NUP58: variants seen among roughly 807,000 people sequenced by gnomAD.
NUP58 encodes the protein nucleoporin p58/p45.
Under a neutral mutation model 70.1 loss-of-function variants are expected in NUP58, and 17 were observed. The ratio of observed to expected loss-of-function variants is 0.24; its 90% CI spans 0.17 to 0.36. NUP58 has a LOEUF of 0.36. Ranked by LOEUF, NUP58 falls within the 10% of genes least tolerant of loss-of-function variation. The probability of loss-of-function intolerance (pLI) is 1.00; values close to 1 mark genes in which losing one functional copy is unlikely to be tolerated. For synonymous variants in NUP58, 275 were observed against 257.6 expected (o/e 1.07, Z -0.65); for missense variants, 644 against 701.5 (o/e 0.92, Z 0.93).
intron 14 of NUP58, 135 bp downstream of exon 14, chr13:25,337,169 A>T (rs182046764): frequency 4.1e-6 from 2 of 483,914 alleles, no homozygotes; most frequent in Middle Eastern, 4.5e-4. Flanking sequence ...ATGATTCTCA[A>T]ACATAATTAT....
intron 8 of NUP58, 100 bp downstream of exon 8, chr13:25,320,695 A>T: frequency 2.3e-6 from 2 of 857,618 alleles, no homozygotes; most frequent in Non-Finnish European, 3.6e-6. Flanking sequence ...CTAGAGGAGC[A>T]TCTCTTAACT....
chr13:25,332,673 G>A (rs1593197980), intron 13 of NUP58: 7 of 985,426 alleles, frequency 7.1e-6, no homozygotes, highest in Non-Finnish European at 8.4e-6. Context: ...ATAAGTAAAG[G>A]GTTGATGATA....
At chr13:25,334,014 C>A (rs952837530) in intron 13 of NUP58, 4 of 985,038 alleles carry the variant, frequency 4.1e-6, no homozygotes, top group Admixed American at 6.2e-5. Context: ...GAGGAATAGA[C>A]TTAAACGACT....
chr13:25,312,726 CT>C (rs1257097960), intron 3 of NUP58, among the ~76,000 whole-genome samples, 156 bp from the exon 4 acceptor site: 1 of 152,194 alleles, frequency 6.6e-6, no homozygotes, highest in Non-Finnish European at 1.5e-5. Flanking sequence ...TTAGTCTCAA[CT>C]TTTACATATT....
chr13:25,322,172 A>T (rs574637485), intron 9 of NUP58, among the ~76,000 whole-genome samples: 1 of 152,232 alleles, frequency 6.6e-6, no homozygotes, highest in African/African-American at 2.4e-5. Flanking sequence ...AATGAACTTC[A>T]TGTGAGATAC....
intron 13 of NUP58, chr13:25,332,066 A>G (rs750725902): frequency 7.0e-6 from 7 of 1,002,442 alleles, no homozygotes; most frequent in Admixed American, 5.2e-5. Flanking sequence ...GCTTGTTTGT[A>G]TGTATGTTGA....
At chr13:25,346,098 T>C (rs74357856), downstream of NUP58, among the ~76,000 whole-genome samples, 593 of 152,278 alleles carry the variant, frequency 3.9e-3, 6 homozygotes, top group African/African-American at 0.014. Flanking sequence ...CCTTAATAAT[T>C]TGTGTGATCC....
At chr13:25,325,092 CA>C (rs1162925981) in intron 10 of NUP58, 24 bp downstream of exon 10, 1 of 1,505,854 alleles carries the variant, frequency 6.6e-7, no homozygotes, top group Non-Finnish European at 9.2e-7. Context: ...TTTTTAAAAA[CA>C]AATGTTTCTC....
At position 25,309,420 on chromosome 13, in the gene NUP58, CT is replaced by C; in HGVS notation, c.286+140del. On this transcript the variant is annotated intron_variant, in intron 3 of 15. Coordinates refer to ENST00000381736, the MANE Select transcript of NUP58 (RefSeq NM_014089.4). ...AAAAAGTGTGTATCACAGATGGTGA[CT>C]TATCGGAGAACCTTTCAGTATTTGA... The C allele has an allele frequency of 6.4e-6, 4 of 620,920 alleles. 1 individual carries two copies. The highest frequency in any genetic ancestry group is 8.7e-4 in the Middle Eastern group (2 of 2,292). The allele number at this position is 620,920 out of a possible 1,614,324, so 38.5% of individuals were successfully genotyped here.
At chr13:25,315,286 A>G in intron 5 of NUP58, 71 bp from the exon 6 acceptor site, 1 of 1,040,534 alleles carries the variant, frequency 9.6e-7, no homozygotes, top group Non-Finnish European at 1.4e-6. Flanking sequence ...AAAGCATTAG[A>G]GTCCTTTGAT....
intron 14 of NUP58, among the ~76,000 whole-genome samples, chr13:25,337,514 A>G (rs2031827224): frequency 6.6e-6 from 1 of 152,162 alleles, no homozygotes; most frequent in Admixed American, 6.6e-5. Context: ...ATTTGCCTAT[A>G]TACATGCTTG....
Position 25,315,578 on chromosome 13 carries a change from A to T in NUP58, c.685+111A>T, listed in dbSNP as rs2030889858. The T allele has an allele frequency of 2.1e-5, 15 of 717,188 alleles. 1 individual carries two copies. The South Asian group carries it at 2.6e-4, about 12-fold the overall frequency. 44.4% of individuals were successfully genotyped at this position (717,188 alleles called of 1,614,324 possible). A position where few individuals can be genotyped will look rare whatever the true frequency, so the allele number is the denominator to read the frequency against. ...TAGCAGTTATATATTTAGTAGTAACAGTTAGCTATCTTAATGTGTATACGA... is the reference window on the plus strand; with the variant it reads ...TAGCAGTTATATATTTAGTAGTAACTGTTAGCTATCTTAATGTGTATACGA... On this transcript the variant is annotated intron_variant, in intron 6 of 15. Transcript: ENST00000381736.
At chr13:25,338,829 C>T (rs1391503705) in intron 15 of NUP58, 98 bp downstream of exon 15, 3 of 945,056 alleles carry the variant, frequency 3.2e-6, no homozygotes, top group Admixed American at 4.5e-5. Flanking sequence ...AAAAAGTTCC[C>T]TCCCTGATTC....
At chr13:25,345,153 G>T (rs2032033250), downstream of NUP58, among the ~76,000 whole-genome samples, 1 of 152,178 alleles carries the variant, frequency 6.6e-6, no homozygotes, top group South Asian at 2.1e-4. Context: ...GTGTAAAGCA[G>T]AAATACCCAA....
chr13:25,331,302 T>G (rs966393047), intron 12 of NUP58, 55 bp from the exon 13 acceptor site: 62 of 1,495,628 alleles, frequency 4.1e-5, no homozygotes, highest in Middle Eastern at 1.9e-4. Flanking sequence ...CATCCACATA[T>G]TAACCATAGT....
intron 3 of NUP58, among the ~76,000 whole-genome samples, chr13:25,312,647 C>T (rs531460093): frequency 5.3e-5 from 8 of 152,168 alleles, no homozygotes; most frequent in Non-Finnish European, 8.8e-5. Flanking sequence ...GGATCACAGG[C>T]GTGAGCCACT....
At chr13:25,320,705 T>C (rs530186020) in intron 8 of NUP58, 110 bp downstream of exon 8, 1 of 823,464 alleles carries the variant, frequency 1.2e-6, no homozygotes, top group African/African-American at 1.8e-5. Context: ...ATCTCTTAAC[T>C]AGGGTTAAAA....
At chr13:25,319,409 G>A in intron 7 of NUP58, 59 bp downstream of exon 7, 1 of 1,450,606 alleles carries the variant, frequency 6.9e-7, no homozygotes. Flanking sequence ...TTATTAAATT[G>A]TAGGCAGATG....
intron 6 of NUP58, among the ~76,000 whole-genome samples, chr13:25,316,911 A>G (rs1350934509): frequency 6.6e-6 from 1 of 152,220 alleles, no homozygotes. Context: ...TATGACATTA[A>G]ATTTTATAAA....
Sources: allele counts gnomAD v4.1 joint callset (sites outside exome capture counted in the v4.1 genomes callset), GRCh38; gene constraint gnomAD v4.1.1; transcripts MANE v1.5; gene names NCBI Gene and HGNC (gene_info 2026-07-23, HGNC 2026-07-21).